Variants in TSBP1 observed in about 807,000 individuals in gnomAD.
TSBP1 encodes testis expressed basic protein 1.
TSBP1 carries 56 observed loss-of-function variants against 68.8 expected under a neutral mutation model. That is an observed-to-expected ratio of 0.81 (90% CI 0.66 to 1.02). TSBP1 has a LOEUF of 1.02. Among genes scored for constraint, TSBP1 ranks in the 50% least tolerant of loss-of-function variants. TSBP1 has a pLI of 0.00. For missense variants in TSBP1, 502 were observed against 641.2 expected, an observed-to-expected ratio of 0.78 and a Z score of 2.34; for synonymous variants, 171 against 208.7, an observed-to-expected ratio of 0.82 and a Z score of 1.56.
chr6:32,335,390 T>TAAGTA lies in TSBP1; in HGVS notation c.472+42_472+46dup, dbSNP rs1391127147. The TAAGTA allele has an allele frequency of 2.0e-6, 3 of 1,479,394 alleles. No individual in the cohort carries two copies. The highest frequency in any genetic ancestry group is 2.9e-5 in the African/African-American group (2 of 68,312). The allele number at this position is 1,479,394 out of a possible 1,614,324, so 91.6% of individuals were successfully genotyped here. A position where few individuals can be genotyped will look rare whatever the true frequency, so the allele number is the denominator to read the frequency against. On this transcript the variant is annotated intron_variant, in intron 14 of 22. Coordinates refer to ENST00000612031, the Ensembl canonical transcript of TSBP1. The surrounding 1 kb of genome is among the most constrained non-coding windows in gnomAD (Gnocchi z 5.5). ...TTGAAATAAAAATAGATTGATGTTCTAAGTAAAGTACTAAAAGGCATTATA... is the reference window on the plus strand; with the variant it reads ...TTGAAATAAAAATAGATTGATGTTCTAAGTAAAGTAAAGTACTAAAAGGCATTATA...
rs11966368 is a variant in TSBP1 at position 32,314,259 on chromosome 6, A to T, written c.580+1513T>A. Among the ~76,000 whole-genome samples, 1,249 of 152,238 alleles carry T rather than the reference A, an allele frequency of 8.2e-3. 17 individuals carry two copies. Among genetic ancestry groups the T allele is most frequent in the African/African-American group, 0.024 (1,013 of 41,534 alleles). On this transcript the variant is annotated intron_variant, in intron 19 of 22. Coordinates refer to ENST00000612031, the Ensembl canonical transcript of TSBP1. This position sits in a 1 kb window ranked among gnomAD's most constrained non-coding sequence, Gnocchi z 4.2. ...TGTTATAAACCCTAGTTACTTTGGC[A>T]TTCCTTTTTTCTTTCTCCCTACCCC...
intron 8 of TSBP1, chr6:32,350,122 C>T: frequency 1.8e-6 from 1 of 561,726 alleles, no homozygotes; most frequent in Non-Finnish European, 3.4e-6. Context: ...ACCTTTCCTC[C>T]ACCTCTTCCT....
chr6:32,362,296 A>AAAAAAAG (rs1773143957), intron 6 of TSBP1, among the ~76,000 whole-genome samples: 1 of 150,784 alleles, frequency 6.6e-6, no homozygotes, highest in East Asian at 1.9e-4. Flanking sequence ...CTCAAAAAAA[A>AAAAAAAG]AAAAAAAAAG....
intron 22 of TSBP1, among the ~76,000 whole-genome samples, chr6:32,298,027 G>C (rs1341852792): frequency 6.6e-6 from 1 of 152,112 alleles, no homozygotes; most frequent in African/African-American, 2.4e-5. Flanking sequence ...TAAAAAATTA[G>C]TATTCATTAA....
chr6:32,297,290 C>G (rs1482037891), intron 22 of TSBP1, among the ~76,000 whole-genome samples: 1 of 151,930 alleles, frequency 6.6e-6, no homozygotes, highest in Admixed American at 6.6e-5. Context: ...AGGCAGTAGC[C>G]CATACTACAA....
intron 15 of TSBP1, 135 bp downstream of exon 16, chr6:32,331,899 C>A (rs966513360): frequency 2.8e-6 from 2 of 714,650 alleles, no homozygotes; most frequent in Non-Finnish European, 4.9e-6. Context: ...CTAACAGTTA[C>A]GATATGGGGA....
At chr6:32,358,107 T>C (rs1047686277) in intron 6 of TSBP1, among the ~76,000 whole-genome samples, 1 of 152,242 alleles carries the variant, frequency 6.6e-6, no homozygotes, top group East Asian at 1.9e-4. Flanking sequence ...ATTAATAAAA[T>C]GAAAAAATGC....
At chr6:32,371,828 A>C (rs146129371) in exon 1 of TSBP1, 1 of 1,045,750 alleles carries the variant, frequency 9.6e-7, no homozygotes, top group Non-Finnish European at 1.5e-6. Context: ...GGTGTCAGGG[A>C]GGCCCTTGTA....
intron 6 of TSBP1, among the ~76,000 whole-genome samples, chr6:32,358,740 G>A (rs1055841933): frequency 5.3e-5 from 8 of 151,846 alleles, no homozygotes; most frequent in Admixed American, 3.3e-4. Flanking sequence ...CAAAGGACAC[G>A]AACTCATCCT....
chr6:32,312,935 A>G (rs181742595), intron 19 of TSBP1, among the ~76,000 whole-genome samples: 2 of 152,050 alleles, frequency 1.3e-5, no homozygotes. Flanking sequence ...ATCCTCCACA[A>G]TAATAGAGTG....
intron 1 of TSBP1, among the ~76,000 whole-genome samples, chr6:32,370,407 G>GTGTGTGTATATATATATA (rs1241237254): frequency 1.5e-5 from 2 of 130,706 alleles, no homozygotes; most frequent in Middle Eastern, 3.8e-3. Context: ...AAGATTTTCT[G>GTGTGTGTATATATATATA]TATATATATA....
chr6:32,317,040 T>C (rs1767032277), intron 18 of TSBP1, among the ~76,000 whole-genome samples: 1 of 152,124 alleles, frequency 6.6e-6, no homozygotes, highest in Non-Finnish European at 1.5e-5. Flanking sequence ...TAATTTAACA[T>C]GATTAGAAAA....
rs1766909271 is a variant in TSBP1, at chr6:32,316,011, T to G, written c.560-219A>C. Among the ~76,000 whole-genome samples, 1 of 152,184 alleles carries G rather than the reference T, an allele frequency of 6.6e-6. No homozygotes were observed. Among genetic ancestry groups the G allele is most frequent in the Admixed American group, 6.5e-5 (1 of 15,278 alleles). On this transcript the variant is annotated intron_variant, in intron 18 of 22. Coordinates refer to ENST00000612031, the Ensembl canonical transcript of TSBP1. This position sits in a 1 kb window ranked among gnomAD's most constrained non-coding sequence, Gnocchi z 4.5. ...GATGTGATGAAATCAAAGGTAGGGT[T>G]TCCTTAAAGGCCCTCTTCATTTACT...
chr6:32,366,207 T>C lies in TSBP1; in HGVS notation c.197-20A>G, dbSNP rs779078206. ...AAGTGTCTAGAGAATTGAAGAAAAATTATAAGATTCTTAATTTCTCATAAA... is the reference window on the plus strand; with the variant it reads ...AAGTGTCTAGAGAATTGAAGAAAAACTATAAGATTCTTAATTTCTCATAAA... On this transcript the variant is annotated intron_variant, in intron 5 of 22. Coordinates refer to ENST00000612031, the Ensembl canonical transcript of TSBP1. The C allele has an allele frequency of 1.9e-6, 3 of 1,593,586 alleles. No individual in the cohort carries two copies. The highest frequency in any genetic ancestry group is 2.6e-6 in the Non-Finnish European group (3 of 1,172,968).
chr6:32,331,189 A>C (rs1184072711), intron 15 of TSBP1, among the ~76,000 whole-genome samples: 1 of 141,560 alleles, frequency 7.1e-6, no homozygotes, highest in African/African-American at 2.5e-5. Context: ...TGAGATCCTT[A>C]ATTGTATTCC....
At position 32,316,428 on chromosome 6, in the gene TSBP1, A is replaced by G. The variant is rs539842337; in HGVS notation, c.560-636T>C. 7 of 1,551,294 alleles carry G rather than the reference A, an allele frequency of 4.5e-6. No homozygotes were observed. The African/African-American group carries it at 5.5e-5, about 12-fold the overall frequency. Reference sequence around the variant, plus strand: ...CTGCCAGCTGACCTAAAAAAATTAGATATCAGTGAAGATTTGTTTGAAAGG... The same window carrying G: ...CTGCCAGCTGACCTAAAAAAATTAGGTATCAGTGAAGATTTGTTTGAAAGG... On this transcript the variant is annotated intron_variant, in intron 18 of 22. Transcript: ENST00000612031. This position sits in a 1 kb window ranked among gnomAD's most constrained non-coding sequence, Gnocchi z 4.5.
chr6:32,323,532 C>G (rs765598667), intron 17 of TSBP1, 59 bp downstream of exon 18: 1 of 1,530,718 alleles, frequency 6.5e-7, no homozygotes, highest in Non-Finnish European at 9.0e-7. Context: ...GGTCTCTAAG[C>G]CTTGCAGGGA....
chr6:32,309,093 G>A (rs985997319), intron 19 of TSBP1, among the ~76,000 whole-genome samples: 5 of 151,546 alleles, frequency 3.3e-5, no homozygotes, highest in Non-Finnish European at 7.4e-5. Flanking sequence ...GTGACTACAG[G>A]CATGCACCAC....
rs1203189951 is a variant in TSBP1 at position 32,304,558 on chromosome 6, G to A, written c.581-1929C>T. ...CGTATGATGGGTTATATAAGTGAAG[G>A]CCACTTTTTCTAATGAAATAAAATA... On this transcript the variant is annotated intron_variant, in intron 19 of 22. Coordinates refer to ENST00000612031, the Ensembl canonical transcript of TSBP1. The surrounding 1 kb of genome is among the most constrained non-coding windows in gnomAD (Gnocchi z 4.8). 6.6e-6 allele frequency among the ~76,000 whole-genome samples: 1 copy of A among 152,096 alleles called. No individual in the cohort carries two copies. Among genetic ancestry groups the A allele is most frequent in the East Asian group, 1.9e-4 (1 of 5,194 alleles).
Sources: allele counts gnomAD v4.1 joint callset (sites outside exome capture counted in the v4.1 genomes callset), GRCh38; gene constraint gnomAD v4.1.1; non-coding constraint Gnocchi (gnomAD v3.1); transcripts MANE v1.5; gene names NCBI Gene and HGNC (gene_info 2026-07-23, HGNC 2026-07-21).